DNMBP: variants seen among roughly 807,000 people sequenced by gnomAD.
DNMBP encodes the protein dynamin binding protein, also known as dynamin-binding protein.
A neutral mutation model predicts 150.0 loss-of-function variants in DNMBP; 87 were observed. The ratio of observed to expected loss-of-function variants is 0.58; its 90% CI spans 0.49 to 0.69. The LOEUF is 0.69. Among genes scored for constraint, DNMBP ranks in the 30% least tolerant of loss-of-function variants. The pLI is 0.00. For synonymous variants in DNMBP, 711 were observed against 750.4 expected (o/e 0.95, Z 0.86); for missense variants, 1,774 against 1,949.0 (o/e 0.91, Z 1.69).
Position 99,879,101 on chromosome 10 carries a change from A to AAC in DNMBP, c.4548+709_4548+710insGT, listed in dbSNP as rs1554857510. Among the ~76,000 whole-genome samples the AAC allele has an allele frequency of 1.3e-3, 177 of 135,166 alleles. 11 individuals are homozygous for AAC. The highest frequency in any genetic ancestry group is 5.2e-3 in the African/African-American group (164 of 31,718). 88.7% of individuals were successfully genotyped at this position (135,166 alleles called of 152,430 possible). On this transcript the variant is annotated intron_variant, in intron 16 of 16. Coordinates refer to ENST00000324109, the MANE Select transcript of DNMBP (RefSeq NM_015221.4). ...CTCTGTCTCAAAAAAAAAAAAAAAA[A>AAC]CCCAAAACGTTTGAGATACAAAGCC...
intron 12 of DNMBP, among the ~76,000 whole-genome samples, chr10:99,888,371 C>A (rs369550968): frequency 2.0e-5 from 3 of 152,130 alleles, no homozygotes; most frequent in South Asian, 4.2e-4. Flanking sequence ...CCACCATGCC[C>A]TGCTAATTTT....
intron 3 of DNMBP, among the ~76,000 whole-genome samples, chr10:99,964,110 G>GTCTTTTCCTT (rs2040591575): frequency 7.2e-6 from 1 of 137,998 alleles, no homozygotes. Context: ...TCTCCTCTCT[G>GTCTTTTCCTT]TCTTTTCCTT....
intron 9 of DNMBP, 84 bp from the exon 10 acceptor site, chr10:99,896,481 G>A: frequency 7.4e-7 from 1 of 1,343,350 alleles, no homozygotes; most frequent in South Asian, 1.2e-5. Flanking sequence ...ACCCAAACGG[G>A]AGCTAGTCCT....
In DNMBP at chr10:99,956,118, C is replaced by G; in HGVS notation, c.1356G>C (p.Arg452Ser). Residue 452 changes from arginine to serine, a missense_variant, in exon 4 of 17, where the codon AGG becomes AGC. Arg to Ser is a moderately radical substitution (Grantham distance 110). This residue lies in a region of DNMBP where 1,430 missense variants were observed against 1,492.5 expected (regional missense o/e 0.96). Transcript: ENST00000324109. ...GAGGTAGGCTGGCATAGTCTCTAGT[C>G]CTTGCTTCTAGGGGAAGAAGGTCGG... is the stretch of plus-strand genomic sequence containing the variant. ...QYPDLLPLEA[R>S]TRDYASLPPK... The G allele has an allele frequency of 6.2e-7, 1 of 1,614,140 alleles. No individual in the cohort carries two copies. The highest frequency in any genetic ancestry group is 8.5e-7 in the Non-Finnish European group (1 of 1,180,026).
intron 4 of DNMBP, among the ~76,000 whole-genome samples, chr10:99,915,524 T>C (rs1056141815): frequency 1.3e-4 from 19 of 151,322 alleles, no homozygotes; most frequent in African/African-American, 4.4e-4. Flanking sequence ...CTGGGCAACA[T>C]AGTGAGACCC....
At chr10:99,895,121 GCT>G in intron 10 of DNMBP, 71 bp from the exon 11 acceptor site, 1 of 632,846 alleles carries the variant, frequency 1.6e-6, no homozygotes, top group South Asian at 3.1e-5. Context: ...AAAGTAGCTT[GCT>G]TTTTTTTTTT....
At chr10:99,945,196 G>C (rs1332945593) in intron 4 of DNMBP, among the ~76,000 whole-genome samples, 2 of 152,164 alleles carry the variant, frequency 1.3e-5, no homozygotes, top group African/African-American at 4.8e-5. Context: ...AAAAAAATCA[G>C]CTGAGGACTC....
intron 1 of DNMBP, among the ~76,000 whole-genome samples, chr10:99,990,766 CAT>C (rs1409847603): frequency 3.4e-5 from 4 of 118,626 alleles, no homozygotes; most frequent in African/African-American, 7.2e-5. Context: ...CATATATACA[CAT>C]ATATACACAT....
At chr10:99,887,175 G>C (rs1476627100) in intron 12 of DNMBP, among the ~76,000 whole-genome samples, 1 of 151,034 alleles carries the variant, frequency 6.6e-6, no homozygotes, top group East Asian at 2.0e-4. Context: ...TGCAGCCTCA[G>C]CCTCCCAAGA....
chr10:99,925,083 A>G (rs1045607614), intron 4 of DNMBP, among the ~76,000 whole-genome samples: 1 of 152,134 alleles, frequency 6.6e-6, no homozygotes, highest in Non-Finnish European at 1.5e-5. Flanking sequence ...GCTGTCTATA[A>G]TATAGTTGCA....
Position 99,886,489 on chromosome 10 carries a change from G to GT in DNMBP, c.3428dup (p.Asp1143GlufsTer16). 1 of 1,614,144 alleles carries GT rather than the reference G, an allele frequency of 6.2e-7. No homozygotes were observed. Among genetic ancestry groups the GT allele is most frequent in the Non-Finnish European group, 8.5e-7 (1 of 1,180,032 alleles). On this transcript the variant is annotated frameshift_variant, in exon 13 of 17. Transcript: ENST00000324109. LOFTEE classifies it high-confidence loss of function. The stretch of plus-strand genomic sequence containing the variant: ...ACTGCAGCTCCTCCAGGGTCTTCTT[G>GT]TCCTTTAGCTTTTCTGCCCGTTCTG...
intron 3 of DNMBP, among the ~76,000 whole-genome samples, chr10:99,962,526 G>T (rs1225121123): frequency 2.0e-5 from 3 of 152,224 alleles, no homozygotes; most frequent in African/African-American, 7.2e-5. Flanking sequence ...AGCTACCAGG[G>T]AGGCTGAGGC....
chr10:99,973,777 T>C (rs1297426880), intron 1 of DNMBP, among the ~76,000 whole-genome samples: 1 of 152,144 alleles, frequency 6.6e-6, no homozygotes, highest in Non-Finnish European at 1.5e-5. Context: ...GTGAGGAGTT[T>C]TGAGGCCAGC....
intron 6 of DNMBP, among the ~76,000 whole-genome samples, chr10:99,901,605 C>T (rs778300392): frequency 6.6e-6 from 1 of 152,162 alleles, no homozygotes; most frequent in Non-Finnish European, 1.5e-5. Flanking sequence ...GCCTTCAGAG[C>T]TGTGGCCTGA....
chr10:99,935,239 CATCATT>C (rs1442217974), intron 4 of DNMBP, among the ~76,000 whole-genome samples: 1 of 152,008 alleles, frequency 6.6e-6, no homozygotes, highest in Non-Finnish European at 1.5e-5. Context: ...GAAGAATCAT[CATCATT>C]AGCAAATGAA....
intron 9 of DNMBP, 103 bp from the exon 10 acceptor site, chr10:99,896,500 A>G (rs944743887): frequency 1.8e-6 from 2 of 1,089,948 alleles, no homozygotes; most frequent in Non-Finnish European, 2.8e-6. Flanking sequence ...CTTGTCTTCA[A>G]TGAGCTTATA....
intron 4 of DNMBP, among the ~76,000 whole-genome samples, chr10:99,946,690 T>C (rs1433592755): frequency 3.3e-5 from 5 of 152,150 alleles, no homozygotes; most frequent in East Asian, 1.9e-4. Context: ...CTTCTAGACA[T>C]TGGCTTAGGC....
chr10:99,885,447 G>A (rs2039441526), intron 14 of DNMBP, among the ~76,000 whole-genome samples: 1 of 152,172 alleles, frequency 6.6e-6, no homozygotes, highest in African/African-American at 2.4e-5. Context: ...GAAGGCGCAG[G>A]TTGTAGTGAG....
chr10:99,974,926 G>A (rs1287427102), intron 1 of DNMBP, among the ~76,000 whole-genome samples: 1 of 152,008 alleles, frequency 6.6e-6, no homozygotes. Flanking sequence ...ACCATGCCCA[G>A]CTAATTTTTT....
Sources: allele counts gnomAD v4.1 joint callset (sites outside exome capture counted in the v4.1 genomes callset), GRCh38; gene constraint gnomAD v4.1.1; regional missense constraint gnomAD v4.1.1; transcripts MANE v1.5; gene names NCBI Gene and HGNC (gene_info 2026-07-23, HGNC 2026-07-21).